The following DTNB variants were observed in gnomAD, a reference collection of about 807,000 sequenced individuals.
The protein encoded by DTNB is dystrobrevin beta.
DTNB carries 63 observed loss-of-function variants against 90.7 expected under a neutral mutation model. The ratio of observed to expected loss-of-function variants is 0.69; its 90% CI spans 0.57 to 0.86. The LOEUF is 0.86. DTNB is among the 40% of genes least tolerant of loss of function. The pLI is 0.00. For synonymous variants in DTNB, 277 were observed against 286.7 expected, an observed-to-expected ratio of 0.97 and a Z score of 0.34; for missense variants, 744 against 807.1, an observed-to-expected ratio of 0.92 and a Z score of 0.95.
chr2:25,652,304 G>C (rs570127502), intron 2 of DTNB, among the ~76,000 whole-genome samples: 75 of 152,086 alleles, frequency 4.9e-4, no homozygotes, highest in Non-Finnish European at 9.9e-4. Context: ...GGTAACAATG[G>C]AGTTACAGCA....
At chr2:25,583,254 A>G (rs1032102159) in intron 6 of DTNB, among the ~76,000 whole-genome samples, 2 of 142,958 alleles carry the variant, frequency 1.4e-5, no homozygotes, top group African/African-American at 2.6e-5. Context: ...CTCAAAAAAA[A>G]AAAAAAAAAT....
chr2:25,585,859 AGTT>A (rs1348748187), intron 6 of DTNB, among the ~76,000 whole-genome samples: 4 of 152,216 alleles, frequency 2.6e-5, no homozygotes, highest in East Asian at 3.8e-4. Flanking sequence ...AGAGTTACAG[AGTT>A]GTTGTAACTG....
At chr2:25,396,037 G>A (rs781395828) in intron 16 of DTNB, among the ~76,000 whole-genome samples, 6 of 152,082 alleles carry the variant, frequency 3.9e-5, no homozygotes, top group Non-Finnish European at 7.4e-5. Context: ...ATCAATCAAC[G>A]AGTGGATAAA....
intron 4 of DTNB, among the ~76,000 whole-genome samples, chr2:25,612,730 G>T (rs543002349): frequency 6.6e-6 from 1 of 151,996 alleles, no homozygotes; most frequent in South Asian, 2.1e-4. Flanking sequence ...ATTAAGAGGG[G>T]ATATCACCAC....
At chr2:25,445,087 C>G (rs1452192756) in intron 12 of DTNB, among the ~76,000 whole-genome samples, 34 of 152,222 alleles carry the variant, frequency 2.2e-4, no homozygotes, top group East Asian at 1.9e-4. Flanking sequence ...GAAATCTTTT[C>G]AAGGTCAAAT....
chr2:25,552,383 C>A (rs2056447966), intron 8 of DTNB, among the ~76,000 whole-genome samples: 1 of 152,328 alleles, frequency 6.6e-6, no homozygotes. Flanking sequence ...CATCCAGCAC[C>A]TGGAACCCTA....
chr2:25,650,015 T>C (rs776295658), intron 2 of DTNB: 12 of 985,244 alleles, frequency 1.2e-5, no homozygotes, highest in Non-Finnish European at 1.3e-5. Context: ...CAAGAAGTCA[T>C]ACTTACCAAA....
Position 25,414,763 on chromosome 2 carries a change from CT to C in DTNB, c.1575+4751del, listed in dbSNP as rs374651491. ...TCAGCAAATATTTATTGAGTATCTA[CT>C]GTATGGCAGGCTGGGCTACAGGCGG... is the stretch of plus-strand genomic sequence containing the variant. On this transcript the variant is annotated intron_variant, in intron 16 of 20. Transcript: ENST00000406818. 1.6e-4 allele frequency among the ~76,000 whole-genome samples: 24 copies of C among 152,228 alleles called. No homozygotes were observed. In the East Asian group the frequency reaches 2.1e-3, roughly 13 times the overall value.
chr2:25,385,129 C>T (rs2039112851), intron 18 of DTNB, among the ~76,000 whole-genome samples: 1 of 152,168 alleles, frequency 6.6e-6, no homozygotes, highest in Non-Finnish European at 1.5e-5. Context: ...CCACCTGCCT[C>T]AGCCTCCCAA....
Position 25,455,469 on chromosome 2 carries a change from T to A in DTNB, c.1105A>T (p.Ser369Cys). Residue 369 changes from serine to cysteine, a missense_variant, in exon 11 of 21, where the codon AGT becomes TGT. Coordinates refer to ENST00000406818, the MANE Select transcript of DTNB (RefSeq NM_021907.5). Reference sequence around the variant, plus strand: ...AGCGCATGCTCATCGGCCAAGTGACTGGGTATATCCTGGCTATACTGTAAC... The same window carrying A: ...AGCGCATGCTCATCGGCCAAGTGACAGGGTATATCCTGGCTATACTGTAAC... ...KRLQYSQDIP[S>C]HLADEHALIA... 1 of 1,607,514 alleles carries A rather than the reference T, an allele frequency of 6.2e-7. No individual in the cohort carries two copies. The highest frequency in any genetic ancestry group is 2.2e-5 in the East Asian group (1 of 44,726).
At position 25,386,147 on chromosome 2, in the gene DTNB, A is replaced by G. The variant is rs2039411003; in HGVS notation, c.1825+1142T>C. The stretch of plus-strand genomic sequence containing the variant: ...AGAGGGTGGCACCATCAAACAAGAG[A>G]GGCAGCGTCTGACCTTAACTGACTG... On this transcript the variant is annotated intron_variant, in intron 18 of 20. Coordinates refer to ENST00000406818, the MANE Select transcript of DTNB (RefSeq NM_021907.5). 5 of 981,324 alleles carry G rather than the reference A, an allele frequency of 5.1e-6. No homozygotes were observed. The South Asian group carries it at 2.4e-4, about 46-fold the overall frequency. The allele number at this position is 981,324 out of a possible 1,614,324, so 60.8% of individuals were successfully genotyped here.
chr2:25,432,951 G>A lies in DTNB; in HGVS notation c.1392C>T (p.Ala464=), dbSNP rs559593163. ...IQRLRLEHEQ[A]SQPTPEKAQQ... ...GTGCCTTCTCAGGGGTGGGCTGGGA[G>A]GCCTGCTCGTGTTCCAGGCGGAGAC... The change falls in exon 14 of 21, where the codon GCC becomes GCT. Residue 464 remains alanine (A), a synonymous_variant. Transcript: ENST00000406818. 3.7e-5 allele frequency: 60 copies of A among 1,611,338 alleles called. 2 individuals are homozygous for A. In the South Asian group the frequency reaches 6.5e-4, roughly 18 times the overall value.
Position 25,598,443 on chromosome 2 carries a change from G to A in DTNB, c.449-2203C>T, listed in dbSNP as rs1385715223. ...ACTTTGTTTACGATACTGTTATTCCGGGTTTTTGCTCTCATGCAACAAACT... is the reference window on the plus strand; with the variant it reads ...ACTTTGTTTACGATACTGTTATTCCAGGTTTTTGCTCTCATGCAACAAACT... On this transcript the variant is annotated intron_variant, in intron 5 of 20. Transcript: ENST00000406818. Among the ~76,000 whole-genome samples the A allele has an allele frequency of 2.0e-5, 3 of 152,072 alleles. No homozygotes were observed. In the South Asian group the frequency reaches 6.2e-4, roughly 31 times the overall value.
chr2:25,514,001 GAA>G (rs35960444), intron 9 of DTNB, among the ~76,000 whole-genome samples: 56 of 126,954 alleles, frequency 4.4e-4, no homozygotes, highest in Admixed American at 5.5e-4. Flanking sequence ...GTTTGGTGGG[GAA>G]AAAAAAAAAA....
intron 10 of DTNB, among the ~76,000 whole-genome samples, chr2:25,468,511 C>T (rs1250792012): frequency 6.6e-6 from 1 of 152,174 alleles, no homozygotes. Flanking sequence ...AGGGCCAAAG[C>T]GCAAGGACGG....
intron 16 of DTNB, among the ~76,000 whole-genome samples, chr2:25,415,063 T>A (rs1412364345): frequency 6.6e-6 from 1 of 152,108 alleles, no homozygotes; most frequent in African/African-American, 2.4e-5. Context: ...GAGGTACTGA[T>A]GCCACGCAAA....
chr2:25,605,280 C>A (rs1393749063), intron 5 of DTNB, among the ~76,000 whole-genome samples: 1 of 152,228 alleles, frequency 6.6e-6, no homozygotes, highest in Non-Finnish European at 1.5e-5. Flanking sequence ...GGTAACCCAG[C>A]ACAGTCTGTA....
At chr2:25,396,731 T>TAAAAAAAAAAAAAA (rs35592591) in intron 16 of DTNB, among the ~76,000 whole-genome samples, 19 of 87,602 alleles carry the variant, frequency 2.2e-4, no homozygotes, top group East Asian at 7.4e-4. Context: ...TAAAAGGAAC[T>TAAAAAAAAAAAAAA]AAAAAAAAAA....
rs6737171 is a variant in DTNB at position 25,543,398 on chromosome 2, C to T, written c.877-11801G>A. 4.1e-3 allele frequency among the ~76,000 whole-genome samples: 630 copies of T among 152,088 alleles called. 4 individuals are homozygous for T. Among genetic ancestry groups the T allele is most frequent in the African/African-American group, 0.014 (588 of 41,500 alleles). On this transcript the variant is annotated intron_variant, in intron 8 of 20. Coordinates refer to ENST00000406818, the MANE Select transcript of DTNB (RefSeq NM_021907.5). ...TCGACTCACTGCAACCTCTGCCTCCCGGGTTCAAGTGATTCTCTGCCTTAG... is the reference window on the plus strand; with the variant it reads ...TCGACTCACTGCAACCTCTGCCTCCTGGGTTCAAGTGATTCTCTGCCTTAG...
Sources: gnomAD v4.1 joint callset for allele counts (sites outside exome capture counted in the v4.1 genomes callset) on GRCh38, gnomAD v4.1.1 for gene constraint, MANE v1.5 for transcripts, NCBI Gene and HGNC (gene_info 2026-07-23, HGNC 2026-07-21) for gene names.